Variants in MYBPC2 observed in about 807,000 individuals in gnomAD.
The protein encoded by MYBPC2 is myosin binding protein C2, also known as myosin-binding protein C, fast-type.
A neutral mutation model predicts 137.0 loss-of-function variants in MYBPC2; 122 were observed. That is an observed-to-expected ratio of 0.89 (90% CI 0.77 to 1.03). The LOEUF is 1.03. Among genes scored for constraint, MYBPC2 ranks in the 50% least tolerant of loss-of-function variants. The pLI, the probability that MYBPC2 is intolerant of heterozygous loss-of-function variation, is 0.00. For synonymous variants in MYBPC2, 626 were observed against 612.3 expected, an observed-to-expected ratio of 1.02 and a Z score of -0.33; for missense variants, 1,500 against 1,534.4, an observed-to-expected ratio of 0.98 and a Z score of 0.37.
At chr19:50,438,126 A>G (rs1018100342) in intron 7 of MYBPC2, among the ~76,000 whole-genome samples, 4 of 151,684 alleles carry the variant, frequency 2.6e-5, no homozygotes, top group Non-Finnish European at 5.9e-5. Context: ...CATCCATCCA[A>G]CCAGTGGCCT....
chr19:50,459,053 C>T (rs757750035), intron 22 of MYBPC2, 47 bp downstream of exon 22: 3 of 1,566,556 alleles, frequency 1.9e-6, no homozygotes, highest in Admixed American at 1.9e-5. Context: ...TCGCCGCAAG[C>T]CCCCTTTTTG....
In MYBPC2 at chr19:50,462,026, G is replaced by T; in HGVS notation, c.3218G>T (p.Gly1073Val). The change falls in exon 26 of 28, where the codon GGC (glycine) becomes GTC (valine). Residue 1073 changes from glycine (G) to valine (V), a missense_variant. Coordinates refer to ENST00000357701, the MANE Select transcript of MYBPC2 (RefSeq NM_004533.4). ...GCAGCCCTCAACTGTGCTGTCAGAGGCCACCCGAAGGTGCCAGGGCAGGGA... is the reference window on the plus strand; with the variant it reads ...GCAGCCCTCAACTGTGCTGTCAGAGTCCACCCGAAGGTGCCAGGGCAGGGA... The part of the protein sequence containing the change: ...YSAALNCAVR[G>V]HPKPKVVWMK... 6.4e-7 allele frequency: 1 copy of T among 1,572,242 alleles called. No homozygotes were observed. The highest frequency in any genetic ancestry group is 8.6e-7 in the Non-Finnish European group (1 of 1,158,858).
chr19:50,459,394 A>T, intron 23 of MYBPC2, 88 bp downstream of exon 23: 8 of 619,710 alleles, frequency 1.3e-5, no homozygotes, highest in East Asian at 5.5e-5. Context: ...GGGGTGGGGA[A>T]GGAGGTGGGA....
rs1039273098 is a variant in MYBPC2 at position 50,466,039 on chromosome 19, G to A, written c.3416-156G>A. ...AAATACCAGTAATCAGGAGCACTGT[G>A]ACTCTGGGTTGTCCAGCCACAGTGG... On this transcript the variant is annotated intron_variant, in intron 27 of 27. Coordinates refer to ENST00000357701, the MANE Select transcript of MYBPC2 (RefSeq NM_004533.4). The surrounding 1 kb of genome is among the most constrained non-coding windows in gnomAD (Gnocchi z 4.9). 5.9e-5 allele frequency among the ~76,000 whole-genome samples: 9 copies of A among 152,156 alleles called. No homozygotes were observed. The highest frequency in any genetic ancestry group is 1.3e-4 in the Non-Finnish European group (9 of 68,040).
chr19:50,440,169 G>C (rs1489172858), intron 7 of MYBPC2, among the ~76,000 whole-genome samples: 1 of 151,972 alleles, frequency 6.6e-6, no homozygotes, highest in African/African-American at 2.4e-5. Context: ...AACCACTGAT[G>C]TGGGTGTCAG....
In MYBPC2 at chr19:50,443,553, C is replaced by T. The variant is rs751962561; in HGVS notation, c.962C>T (p.Ala321Val). The change falls in exon 10 of 28, where the codon GCG becomes GTG. Residue 321 changes from alanine to valine, a missense_variant. Coordinates refer to ENST00000357701, the MANE Select transcript of MYBPC2 (RefSeq NM_004533.4). ...CTTACCATCAACAAGTGCACGCTGG[C>T]GGATGACGCTGCCTATGAAGTAGCT... ...RILTINKCTL[A>V]DDAAYEVAVK... is the part of the protein sequence containing the mutation. 1.0e-4 allele frequency: 166 copies of T among 1,612,640 alleles called. No homozygotes were observed. The highest frequency in any genetic ancestry group is 1.3e-4 in the Non-Finnish European group (152 of 1,179,422).
chr19:50,447,629 G>A (rs540131543), intron 12 of MYBPC2, among the ~76,000 whole-genome samples: 11 of 151,990 alleles, frequency 7.2e-5, no homozygotes, highest in South Asian at 2.1e-4. Flanking sequence ...AGGCCAAAGC[G>A]GGTGGATCAC....
At chr19:50,458,445 A>G (rs1458064782) in intron 20 of MYBPC2, 142 bp from the exon 21 acceptor site, 23 of 991,562 alleles carry the variant, frequency 2.3e-5, no homozygotes, top group Non-Finnish European at 3.3e-5. Flanking sequence ...ATGCTTAACT[A>G]ACTCCAGCTG....
At chr19:50,440,725 G>A (rs2039746040) in intron 7 of MYBPC2, among the ~76,000 whole-genome samples, 155 bp from the exon 8 acceptor site, 1 of 151,436 alleles carries the variant, frequency 6.6e-6, no homozygotes, top group South Asian at 2.1e-4. Context: ...GAAGACCCCA[G>A]GAGGAGGCTG....
At position 50,436,014 on chromosome 19, in the gene MYBPC2, A is replaced by T. The variant is rs764377361; in HGVS notation, c.199A>T (p.Lys67Ter). The change falls in exon 4 of 28, where the codon AAG (lysine) becomes TAG (stop). Residue 67 changes from lysine to a stop codon, truncating the protein, a stop_gained and splice_region_variant. Coordinates refer to ENST00000357701, the MANE Select transcript of MYBPC2 (RefSeq NM_004533.4). LOFTEE classifies it high-confidence loss of function. ...KPDSVSVETG[K>*]DAVVVAKVNG... Reference sequence around the variant, plus strand: ...ACCCTGTCACTCACCCCATGTAGGGAAGGACGCAGTGGTCGTGGCCAAGGT... The same window carrying T: ...ACCCTGTCACTCACCCCATGTAGGGTAGGACGCAGTGGTCGTGGCCAAGGT... 1 of 1,578,204 alleles carries T rather than the reference A, an allele frequency of 6.3e-7. No homozygotes were observed. The highest frequency in any genetic ancestry group is 1.8e-5 in the Admixed American group (1 of 54,438).
intron 14 of MYBPC2, 88 bp from the exon 15 acceptor site, chr19:50,451,191 AC>A: frequency 6.7e-7 from 1 of 1,500,836 alleles, no homozygotes; most frequent in Middle Eastern, 1.7e-4. Flanking sequence ...AGACTGCCAG[AC>A]CCTGTCACCT....
chr19:50,452,508 G>GTATCTATCTATCTATC (rs59342187), intron 16 of MYBPC2, among the ~76,000 whole-genome samples: 3,462 of 114,676 alleles, frequency 0.03, 95 homozygotes, highest in African/African-American at 0.066. Flanking sequence ...ATGTATGTAT[G>GTATCTATCTATCTATC]TATCTATCTA....
In MYBPC2 at chr19:50,466,251, C is replaced by T; in HGVS notation, c.*46C>T. The T allele has an allele frequency of 6.2e-7, 1 of 1,612,952 alleles. No homozygotes were observed. Among genetic ancestry groups the T allele is most frequent in the Non-Finnish European group, 8.5e-7 (1 of 1,179,070 alleles). On this transcript the variant is annotated 3_prime_UTR_variant, in exon 28 of 28. Transcript: ENST00000357701. The surrounding 1 kb of genome is among the most constrained non-coding windows in gnomAD (Gnocchi z 4.9). ...AGACAATTGGTGGTGGAGTCCTGAC[C>T]CCAATCCCCAACCTCCCAGGACTGT...
chr19:50,458,755 G>A lies in MYBPC2; in HGVS notation c.2506+1G>A, dbSNP rs75523642. 43 of 1,606,988 alleles carry A rather than the reference G, an allele frequency of 2.7e-5. No homozygotes were observed. The East Asian group carries it at 8.9e-4, about 33-fold the overall frequency. On this transcript the variant is annotated splice_donor_variant, in intron 21 of 27. Coordinates refer to ENST00000357701, the MANE Select transcript of MYBPC2 (RefSeq NM_004533.4). LOFTEE classifies it high-confidence loss of function. Reference sequence around the variant, plus strand: ...CCGGTCACCATCAGGGAGATTGCGGGTGCGTGGCCCCTGACCCTGCGCTCC... The same window carrying A: ...CCGGTCACCATCAGGGAGATTGCGGATGCGTGGCCCCTGACCCTGCGCTCC...
intron 24 of MYBPC2, among the ~76,000 whole-genome samples, 200 bp from the exon 25 acceptor site, chr19:50,461,342 G>A (rs1350692929): frequency 6.6e-6 from 1 of 152,132 alleles, no homozygotes; most frequent in Non-Finnish European, 1.5e-5. Flanking sequence ...TGTCTGGGCC[G>A]ACTGTTTTGT....
rs2040011384 is a variant in MYBPC2 at position 50,465,879 on chromosome 19, C to T, written c.3416-316C>T. On this transcript the variant is annotated intron_variant, in intron 27 of 27. Coordinates refer to ENST00000357701, the MANE Select transcript of MYBPC2 (RefSeq NM_004533.4). This position sits in a 1 kb window ranked among gnomAD's most constrained non-coding sequence, Gnocchi z 4.5. ...AACAAAAACACCCCAGATCACTGCCCTTCCAAGCCCACCCAATTTCTGATA... is the reference window on the plus strand; with the variant it reads ...AACAAAAACACCCCAGATCACTGCCTTTCCAAGCCCACCCAATTTCTGATA... Among the ~76,000 whole-genome samples, 1 of 152,120 alleles carries T rather than the reference C, an allele frequency of 6.6e-6. No individual in the cohort carries two copies. Among genetic ancestry groups the T allele is most frequent in the Non-Finnish European group, 1.5e-5 (1 of 68,006 alleles).
Position 50,461,522 on chromosome 19 carries a change from C to A in MYBPC2, c.2932-20C>A. ...TCCTGTGGCCCCGACCCGCCTGGTC[C>A]CTCCCTGTCCCCACACTAGGAGTGG... On this transcript the variant is annotated intron_variant, in intron 24 of 27. Coordinates refer to ENST00000357701, the MANE Select transcript of MYBPC2 (RefSeq NM_004533.4). The A allele has an allele frequency of 6.2e-7, 1 of 1,609,840 alleles. No individual in the cohort carries two copies. The highest frequency in any genetic ancestry group is 1.1e-5 in the South Asian group (1 of 90,600).
rs763861838 is a variant in MYBPC2 at position 50,459,335 on chromosome 19, G to T, written c.2791+29G>T. ...CGCGCGCTGGGGAGGGCCCCTGGAG[G>T]CCGGGAGGGGCAGGGATGGGCAGCG... On this transcript the variant is annotated intron_variant, in intron 23 of 27. Coordinates refer to ENST00000357701, the MANE Select transcript of MYBPC2 (RefSeq NM_004533.4). 7 of 1,574,470 alleles carry T rather than the reference G, an allele frequency of 4.4e-6. No homozygotes were observed. In the East Asian group the frequency reaches 1.1e-4, roughly 25 times the overall value.
chr19:50,450,144 G>C (rs2054020466), intron 13 of MYBPC2, among the ~76,000 whole-genome samples: 1 of 152,138 alleles, frequency 6.6e-6, no homozygotes, highest in Non-Finnish European at 1.5e-5. Flanking sequence ...GTGACAGAGT[G>C]AGACTCCATC....
Sources: gnomAD v4.1 joint callset for allele counts (sites outside exome capture counted in the v4.1 genomes callset) on GRCh38, gnomAD v4.1.1 for gene constraint, Gnocchi (gnomAD v3.1) non-coding constraint, MANE v1.5 for transcripts, NCBI Gene and HGNC (gene_info 2026-07-23, HGNC 2026-07-21) for gene names.